The following DISP1 variants were observed in gnomAD, a reference collection of about 807,000 sequenced individuals.
DISP1 encodes dispatched RND transporter family member 1.
DISP1 carries 30 observed loss-of-function variants against 37.3 expected under a neutral mutation model. That is an observed-to-expected ratio of 0.80 (90% confidence interval 0.60 to 1.09). The LOEUF (loss-of-function observed/expected upper bound fraction) is 1.09, where lower values mean the gene tolerates loss of function less well. Ranked by LOEUF, DISP1 falls within the 50% of genes least tolerant of loss-of-function variation. The pLI, the probability that DISP1 is intolerant of heterozygous loss-of-function variation, is 0.00. For synonymous variants in DISP1, 634 were observed against 690.2 expected (o/e 0.92, Z 1.28); for missense variants, 1,598 against 1,879.5 (o/e 0.85, Z 2.77).
intron 4 of DISP1, among the ~76,000 whole-genome samples, chr1:222,983,360 G>A (rs1251715559): frequency 1.3e-5 from 2 of 152,084 alleles, no homozygotes; most frequent in African/African-American, 2.4e-5. Flanking sequence ...GCTCATGCTT[G>A]TAATCCCAGC....
At chr1:222,884,673 G>A (rs1289943165) in intron 1 of DISP1, among the ~76,000 whole-genome samples, 1 of 152,140 alleles carries the variant, frequency 6.6e-6, no homozygotes, top group Admixed American at 6.5e-5. Flanking sequence ...TATTGGTGAT[G>A]TTAACTTTGA....
chr1:222,865,816 C>T (rs1415809787), intron 1 of DISP1, among the ~76,000 whole-genome samples: 1 of 152,130 alleles, frequency 6.6e-6, no homozygotes, highest in East Asian at 1.9e-4. Flanking sequence ...CACACATACA[C>T]AGAATAATAA....
intron 3 of DISP1, among the ~76,000 whole-genome samples, chr1:222,957,696 A>G (rs1349588178): frequency 6.6e-6 from 1 of 152,098 alleles, no homozygotes; most frequent in Non-Finnish European, 1.5e-5. Flanking sequence ...AGGCCTTGGG[A>G]CTCATCTTAA....
chr1:222,849,501 A>C (rs1052829896), intron 1 of DISP1, among the ~76,000 whole-genome samples: 2 of 152,182 alleles, frequency 1.3e-5, no homozygotes, highest in African/African-American at 4.8e-5. Flanking sequence ...CTAAAAAAAA[A>C]ATGTATCCAT....
intron 1 of DISP1, among the ~76,000 whole-genome samples, chr1:222,906,123 A>G (rs545229075): frequency 6.6e-6 from 1 of 152,176 alleles, no homozygotes; most frequent in Non-Finnish European, 1.5e-5. Flanking sequence ...ACTTTTTTTT[A>G]AAAACCTGCC....
Position 222,910,169 on chromosome 1 carries a change from G to A in DISP1, c.-158-18261G>A, listed in dbSNP as rs534327288. Reference sequence around the variant, plus strand: ...GCTTGAGCGCAGGAGTTCAAGACCAGCTGAGCAACATGGCAAAACCCTGTC... The same window carrying A: ...GCTTGAGCGCAGGAGTTCAAGACCAACTGAGCAACATGGCAAAACCCTGTC... On this transcript the variant is annotated intron_variant, in intron 1 of 8. Transcript: ENST00000675850. Among the ~76,000 whole-genome samples, 132 of 152,208 alleles carry A rather than the reference G, an allele frequency of 8.7e-4. 1 individual carries two copies. Among genetic ancestry groups the A allele is most frequent in the Non-Finnish European group, 1.6e-3 (111 of 68,004 alleles).
chr1:222,984,417 A>ATATAT lies in DISP1; in HGVS notation c.539+1308_539+1309insTATAT, dbSNP rs201043580. ...AGACTCTGTCTCAAAAAAAAAAAAAAAAAAATATATATATATATAGAGAGA... is the reference window on the plus strand; with the variant it reads ...AGACTCTGTCTCAAAAAAAAAAAAAATATATAAAAATATATATATATATAGAGAGA... On this transcript the variant is annotated intron_variant, in intron 4 of 8. Coordinates refer to ENST00000675850, the MANE Select transcript of DISP1 (RefSeq NM_001377229.1). Among the ~76,000 whole-genome samples, 136 of 76,368 alleles carry ATATAT rather than the reference A, an allele frequency of 1.8e-3. 3 individuals carry two copies. Among genetic ancestry groups the ATATAT allele is most frequent in the East Asian group, 7.8e-3 (16 of 2,060 alleles). 50.1% of individuals were successfully genotyped at this position (76,368 alleles called of 152,430 possible).
intron 4 of DISP1, among the ~76,000 whole-genome samples, chr1:222,984,744 TTC>T (rs1678148625): frequency 1.3e-5 from 2 of 152,264 alleles, no homozygotes; most frequent in Admixed American, 1.3e-4. Context: ...AAAACTTTTT[TTC>T]TGTTGTAAAA....
chr1:222,860,054 C>CTGTTT (rs1163688665), intron 1 of DISP1, among the ~76,000 whole-genome samples: 1 of 151,880 alleles, frequency 6.6e-6, no homozygotes, highest in African/African-American at 2.4e-5. Flanking sequence ...TTCTTTTTTT[C>CTGTTT]TGTTTTGTTT....
At chr1:222,857,447 A>G (rs1668618002) in intron 1 of DISP1, among the ~76,000 whole-genome samples, 1 of 152,206 alleles carries the variant, frequency 6.6e-6, no homozygotes, top group Non-Finnish European at 1.5e-5. Context: ...CAAGCAAGAG[A>G]AAGAAAGAAA....
Position 222,921,112 on chromosome 1 carries a change from C to T in DISP1, c.-158-7318C>T, listed in dbSNP as rs555405860. ...ATCTCCTGAGCTCAGGAGTTCGAGA[C>T]CACCCTGGGCAACATGGTGAAACAC... On this transcript the variant is annotated intron_variant, in intron 1 of 8. Transcript: ENST00000675850. 2.6e-5 allele frequency among the ~76,000 whole-genome samples: 4 copies of T among 152,258 alleles called. No homozygotes were observed. The East Asian group carries it at 7.7e-4, about 29-fold the overall frequency.
chr1:222,871,577 A>G (rs1340343274), intron 1 of DISP1, among the ~76,000 whole-genome samples: 1 of 152,118 alleles, frequency 6.6e-6, no homozygotes, highest in Admixed American at 6.6e-5. Flanking sequence ...TACACTCATG[A>G]TTTGGCTCTC....
chr1:222,998,677 G>C (rs1444117684), intron 8 of DISP1, among the ~76,000 whole-genome samples: 1 of 152,086 alleles, frequency 6.6e-6, no homozygotes, highest in Non-Finnish European at 1.5e-5. Flanking sequence ...CCAGAAGTGA[G>C]TCTCTCTAAT....
rs145196098 is a variant in DISP1 at position 222,875,221 on chromosome 1, G to C, written c.-158-53209G>C. Reference sequence around the variant, plus strand: ...CCAGCTACTTGGGAGCCTGAGGCAGGAGAATCACTTGAACCCAGGAGGCGG... The same window carrying C: ...CCAGCTACTTGGGAGCCTGAGGCAGCAGAATCACTTGAACCCAGGAGGCGG... On this transcript the variant is annotated intron_variant, in intron 1 of 8. Coordinates refer to ENST00000675850, the MANE Select transcript of DISP1 (RefSeq NM_001377229.1). Among the ~76,000 whole-genome samples the C allele has an allele frequency of 4.6e-3, 700 of 152,134 alleles. 9 individuals are homozygous for C. Among genetic ancestry groups the C allele is most frequent in the African/African-American group, 0.016 (679 of 41,482 alleles).
At chr1:222,959,815 A>AT (rs1229968030) in intron 3 of DISP1, among the ~76,000 whole-genome samples, 1 of 151,564 alleles carries the variant, frequency 6.6e-6, no homozygotes, top group Admixed American at 6.6e-5. Flanking sequence ...AAAAAAAAAA[A>AT]GCAAGCAGAG....
At chr1:222,830,525 C>T (rs1481970751) in intron 1 of DISP1, among the ~76,000 whole-genome samples, 2 of 152,048 alleles carry the variant, frequency 1.3e-5, no homozygotes, top group Non-Finnish European at 2.9e-5. Context: ...GGACTATAGG[C>T]GCGTGTCACC....
chr1:222,990,602 C>G (rs146219693), intron 4 of DISP1, 23 bp from the exon 5 acceptor site: 3 of 1,613,562 alleles, frequency 1.9e-6, no homozygotes, highest in Non-Finnish European at 2.5e-6. Flanking sequence ...CTCTGATAGC[C>G]GACACTTCTT....
At chr1:222,942,516 G>A (rs541556806) in intron 2 of DISP1, among the ~76,000 whole-genome samples, 2 of 152,046 alleles carry the variant, frequency 1.3e-5, no homozygotes, top group Non-Finnish European at 2.9e-5. Flanking sequence ...GATTACTTGT[G>A]CATCTAGGAT....
chr1:222,881,073 G>T (rs1301040576), intron 1 of DISP1, among the ~76,000 whole-genome samples: 2 of 151,944 alleles, frequency 1.3e-5, no homozygotes, highest in East Asian at 3.9e-4. Context: ...GAAAAACAAA[G>T]GTCTGGAAGA....
Sources: allele counts gnomAD v4.1 joint callset (sites outside exome capture counted in the v4.1 genomes callset), GRCh38; gene constraint gnomAD v4.1.1; transcripts MANE v1.5; gene names NCBI Gene and HGNC (gene_info 2026-07-23, HGNC 2026-07-21).